The following ADCY10 variants were observed in gnomAD, a reference collection of about 807,000 sequenced individuals.
The protein encoded by ADCY10 is adenylate cyclase type 10.
Under a neutral mutation model 183.3 loss-of-function variants are expected in ADCY10, and 156 were observed. That is an observed-to-expected ratio of 0.85 (90% CI 0.75 to 0.97). The LOEUF is 0.97. ADCY10 is among the 50% of genes least tolerant of loss of function. The pLI, the probability that ADCY10 is intolerant of heterozygous loss-of-function variation, is 0.00. For missense variants in ADCY10, 1,745 were observed against 1,934.3 expected (o/e 0.90, Z 1.84); for synonymous variants, 645 against 670.0 (o/e 0.96, Z 0.58).
chr1:167,885,103 G>A (rs1243996255), intron 8 of ADCY10, among the ~76,000 whole-genome samples: 1 of 148,870 alleles, frequency 6.7e-6, no homozygotes, highest in African/African-American at 2.5e-5. Context: ...CATCCACGTT[G>A]TTGCAAATGA....
At chr1:167,869,258 T>A (rs1316078825) in intron 14 of ADCY10, among the ~76,000 whole-genome samples, 1 of 152,206 alleles carries the variant, frequency 6.6e-6, no homozygotes, top group Non-Finnish European at 1.5e-5. Flanking sequence ...TTGCTGCCTG[T>A]ACTTCTTCAA....
intron 31 of ADCY10, among the ~76,000 whole-genome samples, chr1:167,816,187 T>C (rs1405995452): frequency 1.3e-5 from 2 of 152,048 alleles, no homozygotes; most frequent in African/African-American, 4.8e-5. Context: ...GAACACCATG[T>C]AGGATATATG....
intron 18 of ADCY10, among the ~76,000 whole-genome samples, chr1:167,851,532 CT>C (rs1157633697): frequency 1.3e-5 from 2 of 152,076 alleles, no homozygotes; most frequent in Non-Finnish European, 2.9e-5. Context: ...CTTCAAGAAA[CT>C]TAACATTGGT....
intron 23 of ADCY10, among the ~76,000 whole-genome samples, chr1:167,835,679 A>C (rs1347014830): frequency 6.6e-6 from 1 of 152,178 alleles, no homozygotes; most frequent in Non-Finnish European, 1.5e-5. Flanking sequence ...CCTTGAGCTC[A>C]GGTGTTCAAG....
At position 167,809,441 on chromosome 1, in the gene ADCY10, T is replaced by A; in HGVS notation, c.*237A>T. The A allele has an allele frequency of 1.9e-6, 1 of 517,274 alleles. No individual in the cohort carries two copies. The highest frequency in any genetic ancestry group is 3.5e-6 in the Non-Finnish European group (1 of 289,114). 32.0% of individuals were successfully genotyped at this position (517,274 alleles called of 1,614,324 possible). On this transcript the variant is annotated 3_prime_UTR_variant, in exon 33 of 33. Transcript: ENST00000367851. ...TTTTGCATGGGCTGAAATAAACAGG[T>A]CAAGCTAAAACAACATGAATGGTAA... is the stretch of plus-strand genomic sequence containing the variant.
chr1:167,817,291 G>C (rs531890726), intron 31 of ADCY10, among the ~76,000 whole-genome samples: 3 of 152,224 alleles, frequency 2.0e-5, no homozygotes, highest in Non-Finnish European at 4.4e-5. Flanking sequence ...TTTGAACCCG[G>C]GAGGCGGAGG....
At chr1:167,901,877 A>G (rs887012315) in intron 4 of ADCY10, 72 bp from the exon 5 acceptor site, 19 of 1,612,144 alleles carry the variant, frequency 1.2e-5, no homozygotes, top group East Asian at 2.2e-5. Context: ...AGATCTGTAT[A>G]GAAACTTACT....
chr1:167,867,172 T>G (rs1666762523), intron 14 of ADCY10, among the ~76,000 whole-genome samples: 1 of 152,116 alleles, frequency 6.6e-6, no homozygotes, highest in Non-Finnish European at 1.5e-5. Flanking sequence ...TTGGACTCAG[T>G]TTATTCTAGT....
chr1:167,833,694 G>A (rs963394124), intron 24 of ADCY10, among the ~76,000 whole-genome samples: 1 of 147,330 alleles, frequency 6.8e-6, no homozygotes, highest in Non-Finnish European at 1.5e-5. Context: ...GCAGAGAGCC[G>A]ATATCACGCC....
intron 14 of ADCY10, among the ~76,000 whole-genome samples, chr1:167,866,530 CAAAAAAAAAA>C (rs57450280): frequency 9.0e-6 from 1 of 110,780 alleles, no homozygotes; most frequent in Non-Finnish European, 2.0e-5. Context: ...CTCTATGTGC[CAAAAAAAAAA>C]AAAAAAAAAA....
At chr1:167,824,408 T>C in intron 28 of ADCY10, 68 bp downstream of exon 28, 3 of 1,362,670 alleles carry the variant, frequency 2.2e-6, no homozygotes, top group South Asian at 2.3e-5. Flanking sequence ...TAGGCTAAAG[T>C]TGAACCCAGA....
chr1:167,829,785 A>C lies in ADCY10; in HGVS notation c.3594-362T>G, dbSNP rs143153266. ...AGTGGAATAACTGACTCCATTTTACATTTGAGGAAGGTGAGACTCAGGTTA... is the reference window on the plus strand; with the variant it reads ...AGTGGAATAACTGACTCCATTTTACCTTTGAGGAAGGTGAGACTCAGGTTA... On this transcript the variant is annotated intron_variant, in intron 25 of 32. Transcript: ENST00000367851. Among the ~76,000 whole-genome samples, 558 of 152,340 alleles carry C rather than the reference A, an allele frequency of 3.7e-3. 5 individuals carry two copies. The highest frequency in any genetic ancestry group is 0.013 in the African/African-American group (527 of 41,568).
Position 167,856,262 on chromosome 1 carries a change from T to G in ADCY10, c.2074A>C (p.Thr692Pro). ...AARAVIKNRNTTYIVIGAVQP... is the reference protein window; with the variant it reads ...AARAVIKNRNPTYIVIGAVQP... ...ACTGCACCAATGACAATGTAGGTGG[T>G]GTTCCTGTTCTTTATTACGGCCCTG... The change falls in exon 17 of 33, where the codon ACC becomes CCC. Residue 692 changes from threonine to proline, a missense_variant. By Grantham distance (38) the Thr-to-Pro change is conservative (BLOSUM62 -1). Transcript: ENST00000367851. The G allele has an allele frequency of 2.5e-6, 4 of 1,613,872 alleles. No homozygotes were observed. Among genetic ancestry groups the G allele is most frequent in the Non-Finnish European group, 3.4e-6 (4 of 1,179,822 alleles).
Position 167,823,137 on chromosome 1 carries a change from A to C in ADCY10, c.4053-14T>G. On this transcript the variant is annotated splice_polypyrimidine_tract_variant and intron_variant, in intron 28 of 32. Coordinates refer to ENST00000367851, the MANE Select transcript of ADCY10 (RefSeq NM_018417.6). Reference sequence around the variant, plus strand: ...AATTGCGGGTATCTATGGAAAAGAAAAGGTAGTGGCCATTAAAAAGTGGTG... The same window carrying C: ...AATTGCGGGTATCTATGGAAAAGAACAGGTAGTGGCCATTAAAAAGTGGTG... 6 of 1,610,414 alleles carry C rather than the reference A, an allele frequency of 3.7e-6. No homozygotes were observed. Among genetic ancestry groups the C allele is most frequent in the Non-Finnish European group, 5.1e-6 (6 of 1,176,654 alleles).
chr1:167,896,174 G>A (rs988478497), intron 7 of ADCY10, among the ~76,000 whole-genome samples: 1 of 152,124 alleles, frequency 6.6e-6, no homozygotes, highest in Non-Finnish European at 1.5e-5. Flanking sequence ...AAGAGCAGGT[G>A]AGCACAGACA....
At chr1:167,873,825 A>G (rs1216273610) in intron 13 of ADCY10, among the ~76,000 whole-genome samples, 1 of 152,232 alleles carries the variant, frequency 6.6e-6, no homozygotes, top group African/African-American at 2.4e-5. Context: ...AGCACTAACT[A>G]TAAAAGACAG....
At chr1:167,846,331 TAGAGCAGG>T (rs1665027324) in intron 19 of ADCY10, 68 bp from the exon 20 acceptor site, 1 of 1,581,992 alleles carries the variant, frequency 6.3e-7, no homozygotes. Context: ...GTATTTAATA[TAGAGCAGG>T]TGGACAACCA....
chr1:167,840,924 AAATG>A, intron 21 of ADCY10, among the ~76,000 whole-genome samples: 1 of 147,894 alleles, frequency 6.8e-6, no homozygotes, highest in Non-Finnish European at 1.5e-5. Flanking sequence ...TTACCTAACT[AAATG>A]AGAATAAAAT....
At chr1:167,833,670 A>G (rs1471192649) in intron 24 of ADCY10, among the ~76,000 whole-genome samples, 7 of 151,524 alleles carry the variant, frequency 4.6e-5, no homozygotes, top group South Asian at 2.1e-4. Context: ...ACTTGAACCC[A>G]GGAGACGGAA....
Sources: gnomAD v4.1 joint callset for allele counts (sites outside exome capture counted in the v4.1 genomes callset) on GRCh38, gnomAD v4.1.1 for gene constraint, MANE v1.5 for transcripts, NCBI Gene and HGNC (gene_info 2026-07-23, HGNC 2026-07-21) for gene names.